The following ZNF428 variants were observed in gnomAD, a reference collection of about 807,000 sequenced individuals.
ZNF428 encodes the protein enzyme-like protein PIT13.
A neutral mutation model predicts 15.6 loss-of-function variants in ZNF428; 5 were observed. The ratio of observed to expected loss-of-function variants is 0.32; its 90% CI spans 0.17 to 0.67. The LOEUF (loss-of-function observed/expected upper bound fraction) is 0.67. Ranked by LOEUF, ZNF428 falls within the 30% of genes least tolerant of loss-of-function variation. The probability of loss-of-function intolerance (pLI) is 0.73; values close to 1 mark genes in which losing one functional copy is unlikely to be tolerated. For missense variants in ZNF428, 237 were observed against 256.0 expected (o/e 0.93, Z 0.51); for synonymous variants, 97 against 102.2 (o/e 0.95, Z 0.31).
Position 43,607,384 on chromosome 19 carries a change from C to CACACACACACAA in ZNF428, c.*221_*232dup, listed in dbSNP as rs1016529586. On this transcript the variant is annotated 3_prime_UTR_variant, in exon 3 of 3. Transcript: ENST00000300811. The surrounding 1 kb of genome is among the most constrained non-coding windows in gnomAD (Gnocchi z 5.1). ...AGCCCAGGGGGAATACACACACACA[C>CACACACACACAA]ACACACACACAAACACACACACGGG... 1 of 522,212 alleles carries CACACACACACAA rather than the reference C, an allele frequency of 1.9e-6. No individual in the cohort carries two copies. Among genetic ancestry groups the CACACACACACAA allele is most frequent in the Non-Finnish European group, 3.3e-6 (1 of 307,598 alleles). 32.3% of individuals were successfully genotyped at this position (522,212 alleles called of 1,614,324 possible).
chr19:43,617,736 C>T (rs1043675048), intron 1 of ZNF428, among the ~76,000 whole-genome samples: 2 of 152,228 alleles, frequency 1.3e-5, no homozygotes, highest in African/African-American at 4.8e-5. Context: ...GAGATGGTGT[C>T]TCACTATGTT....
intron 2 of ZNF428, among the ~76,000 whole-genome samples, chr19:43,610,570 G>A (rs1049122719): frequency 7.9e-5 from 12 of 152,062 alleles, no homozygotes; most frequent in African/African-American, 2.7e-4. Context: ...CTGTCCCCGA[G>A]AGCTGGGACT....
intron 1 of ZNF428, among the ~76,000 whole-genome samples, chr19:43,616,255 C>G (rs1404722166): frequency 2.0e-5 from 3 of 152,056 alleles, no homozygotes; most frequent in Non-Finnish European, 4.4e-5. Flanking sequence ...ACCAACCCAT[C>G]TGGAAGTATT....
rs1973255066 is a variant in ZNF428, at chr19:43,607,795, G to A, written c.389C>T (p.Ala130Val). 3 of 1,585,180 alleles carry A rather than the reference G, an allele frequency of 1.9e-6. No individual in the cohort carries two copies. The South Asian group carries it at 3.4e-5, about 18-fold the overall frequency. The change falls in exon 3 of 3, where the codon GCC becomes GTC. Residue 130 changes from alanine to valine, a missense_variant. Transcript: ENST00000300811. The surrounding 1 kb of genome is among the most constrained non-coding windows in gnomAD (Gnocchi z 5.1). ...TGGTTCCTCCTCTTCCTCCCCGAGG[G>A]CCCTGCCTTCAGGGGCTGGTGCTTC... ...PQEAPAPEGR[A>V]LGEEEEEPPR...
In ZNF428 at chr19:43,607,975, C is replaced by T. The variant is rs570113553; in HGVS notation, c.209G>A (p.Arg70His). The T allele has an allele frequency of 7.3e-5, 118 of 1,607,150 alleles. No individual in the cohort carries two copies. In the Admixed American group the frequency reaches 1.1e-3, roughly 16 times the overall value. The change falls in exon 3 of 3, where the codon CGC (arginine) becomes CAC (histidine). Residue 70 changes from arginine to histidine, a missense_variant. Physicochemically the swap from Arg to His is conservative, Grantham distance 29. Coordinates refer to ENST00000300811, the MANE Select transcript of ZNF428 (RefSeq NM_182498.4). This position sits in a 1 kb window ranked among gnomAD's most constrained non-coding sequence, Gnocchi z 5.1. ...TGGGCCACCACGGCCCCCGCCAAGG[C>T]GCTGCTTCACCTTGTAGCCAGGATC... ...EYDPGYKVKQ[R>H]LGGGRGGPSR... is the part of the protein sequence containing the mutation.
Position 43,613,653 on chromosome 19 carries a change from A to T in ZNF428, c.76+576T>A. 5 of 1,548,344 alleles carry T rather than the reference A, an allele frequency of 3.2e-6. No individual in the cohort carries two copies. In the East Asian group the frequency reaches 1.2e-4, roughly 38 times the overall value. On this transcript the variant is annotated intron_variant, in intron 2 of 2. Coordinates refer to ENST00000300811, the MANE Select transcript of ZNF428 (RefSeq NM_182498.4). Reference sequence around the variant, plus strand: ...CCCAGCAAGGAGAGACAGTGCAGACAATCTAGAAGCTCCAGCAAAGAGAGA... The same window carrying T: ...CCCAGCAAGGAGAGACAGTGCAGACTATCTAGAAGCTCCAGCAAAGAGAGA...
chr19:43,612,102 C>T lies in ZNF428; in HGVS notation c.76+2127G>A, dbSNP rs1424656086. On this transcript the variant is annotated intron_variant, in intron 2 of 2. Transcript: ENST00000300811. This position sits in a 1 kb window ranked among gnomAD's most constrained non-coding sequence, Gnocchi z 4.2. ...ATGTCTACTGTGACTTCCAGGACCA[C>T]AAGCCCTTTTGCGCCCACCATGTCT... The T allele has an allele frequency of 3.9e-6, 6 of 1,535,954 alleles. No homozygotes were observed. The highest frequency in any genetic ancestry group is 3.9e-5 in the Admixed American group (2 of 50,692).
Position 43,612,453 on chromosome 19 carries a change from G to A in ZNF428, c.76+1776C>T. 2.6e-6 allele frequency: 4 copies of A among 1,551,564 alleles called. No individual in the cohort carries two copies. In the South Asian group the frequency reaches 3.6e-5, roughly 14 times the overall value. ...GCCAGCAAGGCCAGCGACGTGAGAT[G>A]CCACCAGCGGAGGGGCACACACAGC... On this transcript the variant is annotated intron_variant, in intron 2 of 2. Transcript: ENST00000300811. The surrounding 1 kb of genome is among the most constrained non-coding windows in gnomAD (Gnocchi z 4.2).
Position 43,612,303 on chromosome 19 carries a change from G to A in ZNF428, c.76+1926C>T. 6.4e-7 allele frequency: 1 copy of A among 1,551,664 alleles called. No homozygotes were observed. Among genetic ancestry groups the A allele is most frequent in the South Asian group, 1.2e-5 (1 of 84,050 alleles). ...CGTAACTCAGTCATGAGCCCAAGCA[G>A]TTCCAAGTCCACCAAATCGACCAGT... On this transcript the variant is annotated intron_variant, in intron 2 of 2. Transcript: ENST00000300811. This position sits in a 1 kb window ranked among gnomAD's most constrained non-coding sequence, Gnocchi z 4.2.
At chr19:43,618,475 C>T (rs917813650) in intron 1 of ZNF428, among the ~76,000 whole-genome samples, 4 of 151,688 alleles carry the variant, frequency 2.6e-5, no homozygotes, top group African/African-American at 9.7e-5. Flanking sequence ...CTCACTGTAA[C>T]CTCAAACTCC....
intron 1 of ZNF428, among the ~76,000 whole-genome samples, chr19:43,614,652 G>T (rs905015627): frequency 2.0e-4 from 30 of 151,692 alleles, no homozygotes; most frequent in Admixed American, 2.6e-4. Flanking sequence ...AGGCTGGAGT[G>T]CAGTGGTGTG....
At chr19:43,619,347 G>C (rs926053216) in intron 1 of ZNF428, among the ~76,000 whole-genome samples, 3 of 152,212 alleles carry the variant, frequency 2.0e-5, no homozygotes, top group African/African-American at 7.2e-5. Flanking sequence ...CTAGCGGACC[G>C]ACTCCCACAG....
chr19:43,617,752 GGCT>G (rs1268058425), intron 1 of ZNF428, among the ~76,000 whole-genome samples: 1 of 152,210 alleles, frequency 6.6e-6, no homozygotes, highest in Non-Finnish European at 1.5e-5. Context: ...ATGTTGCGAA[GGCT>G]GCTGTCAAAT....
In ZNF428 at chr19:43,614,919, C is replaced by T. The variant is rs558131057; in HGVS notation, c.-130-485G>A. Reference sequence around the variant, plus strand: ...GTCCCCCTCTCTAGGTCTTAATTTCCGCATGTGGGCAACAAGGCTGCCTTC... The same window carrying T: ...GTCCCCCTCTCTAGGTCTTAATTTCTGCATGTGGGCAACAAGGCTGCCTTC... On this transcript the variant is annotated intron_variant, in intron 1 of 2. Transcript: ENST00000300811. 1.3e-4 allele frequency among the ~76,000 whole-genome samples: 20 copies of T among 151,956 alleles called. No individual in the cohort carries two copies. The East Asian group carries it at 2.7e-3, about 21-fold the overall frequency.
chr19:43,618,225 G>A (rs1279395371), intron 1 of ZNF428, among the ~76,000 whole-genome samples: 1 of 151,666 alleles, frequency 6.6e-6, no homozygotes, highest in East Asian at 2.0e-4. Flanking sequence ...AGTAGAGATG[G>A]GGTTTCACCG....
In ZNF428 at chr19:43,612,446, G is replaced by A. The variant is rs748384521; in HGVS notation, c.76+1783C>T. ...CAGCAAAGCCAGCAAGGCCAGCGACGTGAGATGCCACCAGCGGAGGGGCAC... is the reference window on the plus strand; with the variant it reads ...CAGCAAAGCCAGCAAGGCCAGCGACATGAGATGCCACCAGCGGAGGGGCAC... On this transcript the variant is annotated intron_variant, in intron 2 of 2. Transcript: ENST00000300811. This position sits in a 1 kb window ranked among gnomAD's most constrained non-coding sequence, Gnocchi z 4.2. 15 of 1,551,254 alleles carry A rather than the reference G, an allele frequency of 9.7e-6. No homozygotes were observed. The highest frequency in any genetic ancestry group is 1.7e-4 in the Middle Eastern group (1 of 6,014).
At chr19:43,613,388 A>G in intron 2 of ZNF428, 1 of 1,549,562 alleles carries the variant, frequency 6.5e-7, no homozygotes. Context: ...CTACAAGGCG[A>G]GAGATCGCAG....
Position 43,607,921 on chromosome 19 carries a change from G to T in ZNF428, c.263C>A (p.Pro88His). Residue 88 changes from proline (P) to histidine (H), a missense_variant, in exon 3 of 3, where the codon CCC becomes CAC. Physicochemically the swap from Pro to His is moderately conservative, Grantham distance 77. Transcript: ENST00000300811. This position sits in a 1 kb window ranked among gnomAD's most constrained non-coding sequence, Gnocchi z 5.1. The part of the protein sequence containing the change: ...PSRRAPRAAQ[P>H]PAQPCQLCGR... ...ACAGAGCTGGCAAGGCTGGGCCGGGGGCTGGGCTGCACGGGGGGCCCGGCG... is the reference window on the plus strand; with the variant it reads ...ACAGAGCTGGCAAGGCTGGGCCGGGTGCTGGGCTGCACGGGGGGCCCGGCG... The T allele has an allele frequency of 1.3e-6, 2 of 1,572,850 alleles. No homozygotes were observed. The highest frequency in any genetic ancestry group is 1.7e-6 in the Non-Finnish European group (2 of 1,159,122).
chr19:43,612,001 T>C lies in ZNF428; in HGVS notation c.76+2228A>G. Reference sequence around the variant, plus strand: ...TCATACCACTCACCCTCCAGAGTCTTCAATGCCCACTATTACTTCACACAG... The same window carrying C: ...TCATACCACTCACCCTCCAGAGTCTCCAATGCCCACTATTACTTCACACAG... On this transcript the variant is annotated intron_variant, in intron 2 of 2. Transcript: ENST00000300811. This position sits in a 1 kb window ranked among gnomAD's most constrained non-coding sequence, Gnocchi z 4.2. 1.3e-6 allele frequency: 1 copy of C among 757,010 alleles called. No homozygotes were observed. Among genetic ancestry groups the C allele is most frequent in the Non-Finnish European group, 2.2e-6 (1 of 451,780 alleles). The allele number at this position is 757,010 out of a possible 1,614,324, so 46.9% of individuals were successfully genotyped here.
Sources: gnomAD v4.1 joint callset for allele counts (sites outside exome capture counted in the v4.1 genomes callset) on GRCh38, gnomAD v4.1.1 for gene constraint, Gnocchi (gnomAD v3.1) non-coding constraint, MANE v1.5 for transcripts, NCBI Gene and HGNC (gene_info 2026-07-23, HGNC 2026-07-21) for gene names.